Variants in TRHDE observed in about 807,000 individuals in gnomAD.
The protein encoded by TRHDE is thyrotropin releasing hormone degrading enzyme, also known as thyrotropin-releasing hormone-degrading ectoenzyme.
TRHDE carries 72 observed loss-of-function variants against 125.7 expected under a neutral mutation model. The observed-to-expected ratio is 0.57, with a 90% confidence interval of 0.47 to 0.70. The LOEUF is 0.70. Among genes scored for constraint, TRHDE ranks in the 30% least tolerant of loss-of-function variants. The probability of loss-of-function intolerance (pLI) is 0.00; values close to 1 mark genes in which losing one functional copy is unlikely to be tolerated. For synonymous variants in TRHDE, 509 were observed against 509.1 expected, an observed-to-expected ratio of 1.00 and a Z score of 0.00; for missense variants, 1,110 against 1,327.1, an observed-to-expected ratio of 0.84 and a Z score of 2.54.
chr12:72,479,356 T>C (rs904935284), intron 5 of TRHDE, among the ~76,000 whole-genome samples: 11 of 152,158 alleles, frequency 7.2e-5, no homozygotes, highest in Non-Finnish European at 1.0e-4. Context: ...CTCAATGTTA[T>C]AAAGATGTGT....
intron 2 of TRHDE, among the ~76,000 whole-genome samples, chr12:72,158,324 G>C (rs1407332365): frequency 6.6e-6 from 1 of 151,476 alleles, no homozygotes; most frequent in African/African-American, 2.4e-5. Flanking sequence ...TAAAATAAAA[G>C]TGAAATTATA....
At chr12:72,517,639 T>C (rs1287067714) in intron 6 of TRHDE, among the ~76,000 whole-genome samples, 1 of 152,174 alleles carries the variant, frequency 6.6e-6, no homozygotes, top group Non-Finnish European at 1.5e-5. Flanking sequence ...TGTGTCTCTA[T>C]GTCCTTCAGT....
intron 2 of TRHDE, among the ~76,000 whole-genome samples, chr12:72,134,542 T>C (rs1217946606): frequency 6.6e-6 from 1 of 152,136 alleles, no homozygotes; most frequent in Admixed American, 6.5e-5. Context: ...TTGCCATCAA[T>C]ATATATTTTT....
chr12:72,658,328 C>G (rs1874786201), intron 18 of TRHDE, among the ~76,000 whole-genome samples: 1 of 152,184 alleles, frequency 6.6e-6, no homozygotes, highest in Non-Finnish European at 1.5e-5. Context: ...CATGATTTCA[C>G]ATTCAATAAT....
chr12:72,473,123 G>T lies in TRHDE; in HGVS notation c.1527G>T (p.Gly509=). ...VWWEDVWLKE[G]FAHYFEFVGT... is the part of the protein sequence containing the mutation. The stretch of plus-strand genomic sequence containing the variant: ...GGGAAGACGTGTGGCTGAAGGAAGG[G>T]TTTGCTCACTACTTTGAATTTGTTG... Residue 509 remains glycine (G), a synonymous_variant, in exon 5 of 19, where the codon GGG becomes GGT. Coordinates refer to ENST00000261180, the MANE Select transcript of TRHDE (RefSeq NM_013381.3). 2 of 1,613,988 alleles carry T rather than the reference G, an allele frequency of 1.2e-6. No homozygotes were observed. The highest frequency in any genetic ancestry group is 1.1e-5 in the South Asian group (1 of 91,076).
intron 12 of TRHDE, among the ~76,000 whole-genome samples, chr12:72,579,592 A>G (rs1214567077): frequency 1.3e-5 from 2 of 152,146 alleles, no homozygotes; most frequent in African/African-American, 4.8e-5. Flanking sequence ...TGTGGTGGTT[A>G]TCATTCAGAG....
chr12:72,322,533 C>A (rs1869142479), intron 2 of TRHDE, among the ~76,000 whole-genome samples: 1 of 152,014 alleles, frequency 6.6e-6, no homozygotes, highest in African/African-American at 2.4e-5. Flanking sequence ...AGATATCAAA[C>A]AAAGTTATGT....
intron 2 of TRHDE, among the ~76,000 whole-genome samples, chr12:72,343,693 C>G (rs1049626439): frequency 6.6e-6 from 1 of 151,970 alleles, no homozygotes; most frequent in African/African-American, 2.4e-5. Context: ...AATGGATATA[C>G]TTTCTTATAT....
intron 12 of TRHDE, among the ~76,000 whole-genome samples, chr12:72,609,894 T>C (rs1872573171): frequency 6.6e-6 from 1 of 152,288 alleles, no homozygotes; most frequent in South Asian, 2.1e-4. Context: ...TGGAATTTTT[T>C]ATTCTTTGTA....
At position 72,668,461 on chromosome 12, in the gene TRHDE, C is replaced by G. The variant is rs1426691339; in HGVS notation, c.*5266C>G. The G allele has an allele frequency of 6.6e-6, 1 of 151,618 alleles. No individual in the cohort carries two copies. Among genetic ancestry groups the G allele is most frequent in the Non-Finnish European group, 1.5e-5 (1 of 67,750 alleles). The allele number at this position is 151,618 out of a possible 1,614,324, so 9.4% of individuals were successfully genotyped here. ...ACTTTAATGGCCTTTATTTCAAATA[C>G]TTCGTACTTTAGGGATAGTATTTTG... On this transcript the variant is annotated 3_prime_UTR_variant, in exon 19 of 19. Coordinates refer to ENST00000261180, the MANE Select transcript of TRHDE (RefSeq NM_013381.3).
Position 72,423,147 on chromosome 12 carries a change from T to C in TRHDE, c.1315+45026T>C, listed in dbSNP as rs576294779. Among the ~76,000 whole-genome samples, 54 of 152,302 alleles carry C rather than the reference T, an allele frequency of 3.5e-4. No individual in the cohort carries two copies. In the South Asian group the frequency reaches 9.9e-3, roughly 28 times the overall value. ...CTTATTTATACTTTCGTGATCACAATGTACATGATCCCTGACTTATGATGG... is the reference window on the plus strand; with the variant it reads ...CTTATTTATACTTTCGTGATCACAACGTACATGATCCCTGACTTATGATGG... On this transcript the variant is annotated intron_variant, in intron 3 of 18. Coordinates refer to ENST00000261180, the MANE Select transcript of TRHDE (RefSeq NM_013381.3).
At chr12:72,557,677 G>GA (rs1278432853) in intron 7 of TRHDE, among the ~76,000 whole-genome samples, 18 of 151,936 alleles carry the variant, frequency 1.2e-4, no homozygotes, top group African/African-American at 4.3e-4. Context: ...AGTCCTGTTG[G>GA]CTTTTACACA....
intron 2 of TRHDE, among the ~76,000 whole-genome samples, chr12:72,329,960 G>A (rs761045458): frequency 2.6e-5 from 4 of 152,014 alleles, no homozygotes; most frequent in Non-Finnish European, 5.9e-5. Context: ...ATGAACGTGG[G>A]ACTCCAAAAA....
chr12:72,102,976 G>A (rs1349589345), intron 1 of TRHDE, among the ~76,000 whole-genome samples: 1 of 152,222 alleles, frequency 6.6e-6, no homozygotes, highest in Non-Finnish European at 1.5e-5. Context: ...CCAAACACAG[G>A]ACAACTAACA....
rs1460422708 is a variant in TRHDE at position 72,273,971 on chromosome 12, C to T, written c.914+414C>T. ...CTGAAGGCCAAGACAACAGCGCATC[C>T]AGGTTAGCATGTCAGGGCAGGTCAG... is the stretch of plus-strand genomic sequence containing the variant. On this transcript the variant is annotated intron_variant, in intron 1 of 18. Coordinates refer to ENST00000261180, the MANE Select transcript of TRHDE (RefSeq NM_013381.3). The surrounding 1 kb of genome is among the most constrained non-coding windows in gnomAD (Gnocchi z 5.3). 1 of 188,204 alleles carries T rather than the reference C, an allele frequency of 5.3e-6. No homozygotes were observed. Among genetic ancestry groups the T allele is most frequent in the Non-Finnish European group, 1.1e-5 (1 of 89,212 alleles). The allele number at this position is 188,204 out of a possible 1,614,324, so 11.7% of individuals were successfully genotyped here.
intron 3 of TRHDE, among the ~76,000 whole-genome samples, chr12:72,435,640 ATTT>A (rs1246330658): frequency 7.2e-6 from 1 of 139,064 alleles, no homozygotes. Context: ...CCAGGCTGGG[ATTT>A]TTTTTTTTTT....
At position 72,564,653 on chromosome 12, in the gene TRHDE, A is replaced by ATTTTTTTTTTTTTTTTTTTTTTT. The variant is rs538823843; in HGVS notation, c.2042+1623_2042+1645dup. Among the ~76,000 whole-genome samples the ATTTTTTTTTTTTTTTTTTTTTTT allele has an allele frequency of 5.5e-5, 3 of 54,316 alleles. 1 individual carries two copies. The highest frequency in any genetic ancestry group is 6.5e-5 in the Non-Finnish European group (2 of 30,572). 35.6% of individuals were successfully genotyped at this position (54,316 alleles called of 152,430 possible). A position where few individuals can be genotyped will look rare whatever the true frequency, so the allele number is the denominator to read the frequency against. ...TGGAATTATAAAATCATGCGTATGAATTTTTTTTTTTTTTTTTTTTTTTTT... is the reference window on the plus strand; with the variant it reads ...TGGAATTATAAAATCATGCGTATGAATTTTTTTTTTTTTTTTTTTTTTTTTTTTTTTTTTTTTTTTTTTTTTTT... On this transcript the variant is annotated intron_variant, in intron 9 of 18. Coordinates refer to ENST00000261180, the MANE Select transcript of TRHDE (RefSeq NM_013381.3).
At chr12:72,551,463 A>G (rs555324861) in intron 7 of TRHDE, among the ~76,000 whole-genome samples, 2 of 152,314 alleles carry the variant, frequency 1.3e-5, no homozygotes, top group South Asian at 4.1e-4. Context: ...GAACAATAAC[A>G]CATATAAGTG....
chr12:72,308,616 A>G (rs559003891), intron 2 of TRHDE, among the ~76,000 whole-genome samples: 1 of 152,330 alleles, frequency 6.6e-6, no homozygotes, highest in East Asian at 1.9e-4. Flanking sequence ...AGCCCAGTCC[A>G]GGTTATATCA....
Sources: gnomAD v4.1 joint callset for allele counts (sites outside exome capture counted in the v4.1 genomes callset) on GRCh38, gnomAD v4.1.1 for gene constraint, Gnocchi (gnomAD v3.1) non-coding constraint, MANE v1.5 for transcripts, NCBI Gene and HGNC (gene_info 2026-07-23, HGNC 2026-07-21) for gene names.